TNFSF4: variants seen among roughly 807,000 people sequenced by gnomAD.
The protein encoded by TNFSF4 is TNF superfamily member 4.
A neutral mutation model predicts 7.3 loss-of-function variants in TNFSF4; 4 were observed. The observed-to-expected ratio is 0.55, with a 90% CI of 0.27 to 1.25. The LOEUF is 1.25. TNFSF4 is among the 50% of genes most tolerant of loss of function. The pLI is 0.12. For missense variants in TNFSF4, 181 were observed against 208.8 expected (o/e 0.87, Z 0.82); for synonymous variants, 76 against 83.7 (o/e 0.91, Z 0.50).
the TNFSF4 span, among the ~76,000 whole-genome samples, chr1:173,426,405 A>G: frequency 6.6e-6 from 1 of 152,200 alleles, no homozygotes; most frequent in African/African-American, 2.4e-5. Flanking sequence ...CAAAATACTC[A>G]GCATGTCAAA....
chr1:173,370,304 T>A, the TNFSF4 span, among the ~76,000 whole-genome samples: 1 of 152,128 alleles, frequency 6.6e-6, no homozygotes. Context: ...AGATACCTGG[T>A]ATCTTAGTCA....
chr1:173,373,763 A>ATACTTGTT, the TNFSF4 span, among the ~76,000 whole-genome samples: 6 of 152,370 alleles, frequency 3.9e-5, no homozygotes, highest in African/African-American at 1.4e-4. Flanking sequence ...GGGGATTTCA[A>ATACTTGTT]TACTTGTTGG....
the TNFSF4 span, among the ~76,000 whole-genome samples, chr1:173,251,776 T>C: frequency 0.017 from 2,515 of 152,336 alleles, 31 homozygotes; most frequent in Non-Finnish European, 0.024. Flanking sequence ...TTAGTTCTTA[T>C]GGTTATTGTG....
intron 1 of TNFSF4, among the ~76,000 whole-genome samples, chr1:173,205,132 A>T (rs1055314940): frequency 2.6e-5 from 4 of 152,228 alleles, no homozygotes; most frequent in African/African-American, 9.7e-5. Flanking sequence ...TTAGAAATAA[A>T]AAAATTATAA....
chr1:173,386,790 C>A, the TNFSF4 span, among the ~76,000 whole-genome samples: 1 of 152,164 alleles, frequency 6.6e-6, no homozygotes, highest in Non-Finnish European at 1.5e-5. Flanking sequence ...CAATCCCCAC[C>A]CCAGTGTGTT....
chr1:173,417,005 T>C, the TNFSF4 span, among the ~76,000 whole-genome samples: 87 of 152,328 alleles, frequency 5.7e-4, no homozygotes, highest in Middle Eastern at 3.4e-3. Flanking sequence ...ATTGTATTAT[T>C]ATCTCTATTT....
chr1:173,174,862 A>C, the TNFSF4 span, among the ~76,000 whole-genome samples: 1 of 152,224 alleles, frequency 6.6e-6, no homozygotes, highest in Admixed American at 6.5e-5. Context: ...TTCAATAATG[A>C]AACAAAAAGC....
chr1:173,336,617 A>C, the TNFSF4 span, among the ~76,000 whole-genome samples: 3 of 152,176 alleles, frequency 2.0e-5, no homozygotes, highest in Non-Finnish European at 4.4e-5. Context: ...TTTAGTTTGC[A>C]GGGATCTTGA....
chr1:173,218,436 A>G, the TNFSF4 span, among the ~76,000 whole-genome samples: 5 of 152,176 alleles, frequency 3.3e-5, no homozygotes, highest in Non-Finnish European at 7.4e-5. Context: ...ACTTCCTCAC[A>G]GCTTTCAGAT....
chr1:173,323,079 G>C, the TNFSF4 span, among the ~76,000 whole-genome samples: 2 of 152,212 alleles, frequency 1.3e-5, no homozygotes, highest in Non-Finnish European at 2.9e-5. Flanking sequence ...AGAATGGGCA[G>C]GCTGCCTCCT....
At chr1:173,176,339 A>G in the TNFSF4 span, among the ~76,000 whole-genome samples, 2 of 152,192 alleles carry the variant, frequency 1.3e-5, no homozygotes, top group African/African-American at 2.4e-5. Flanking sequence ...AGATATTATT[A>G]ATGAGGATAC....
At chr1:173,378,653 G>A in the TNFSF4 span, among the ~76,000 whole-genome samples, 12,767 of 152,122 alleles carry the variant, frequency 0.084, 670 homozygotes, top group East Asian at 0.27. Flanking sequence ...AAGAGGGAAA[G>A]CAAATGGAGT....
the TNFSF4 span, among the ~76,000 whole-genome samples, chr1:173,218,110 C>A: frequency 2.6e-5 from 4 of 152,296 alleles, no homozygotes; most frequent in Non-Finnish European, 5.9e-5. Flanking sequence ...TAGACCCTAA[C>A]ACACATGGTA....
At chr1:173,326,553 A>G in the TNFSF4 span, among the ~76,000 whole-genome samples, 2 of 152,166 alleles carry the variant, frequency 1.3e-5, no homozygotes, top group South Asian at 2.1e-4. Flanking sequence ...AGGGCATTCA[A>G]TTAGGAAAAG....
the TNFSF4 span, among the ~76,000 whole-genome samples, chr1:173,341,970 C>T: frequency 1.3e-5 from 2 of 152,142 alleles, no homozygotes; most frequent in Non-Finnish European, 2.9e-5. Flanking sequence ...TTATTTGATT[C>T]CTTCTGTTTC....
chr1:173,418,900 C>T, the TNFSF4 span, among the ~76,000 whole-genome samples: 552 of 152,290 alleles, frequency 3.6e-3, 3 homozygotes, highest in Middle Eastern at 0.01. Flanking sequence ...TTGAATGTGA[C>T]CCCCAAATTT....
chr1:173,300,145 A>C, the TNFSF4 span, among the ~76,000 whole-genome samples: 1 of 146,728 alleles, frequency 6.8e-6, no homozygotes, highest in African/African-American at 2.6e-5. Flanking sequence ...ATAGATAATA[A>C]ATAGATGATT....
At chr1:173,309,978 A>T in the TNFSF4 span, among the ~76,000 whole-genome samples, 23 of 151,988 alleles carry the variant, frequency 1.5e-4, no homozygotes, top group South Asian at 1.0e-3. Flanking sequence ...AGTTGTTCAT[A>T]ATGTTCATAT....
chr1:173,196,433 ATC>A (rs61649121), intron 1 of TNFSF4, among the ~76,000 whole-genome samples: 15,951 of 151,924 alleles, frequency 0.1, 984 homozygotes, highest in Admixed American at 0.16. Flanking sequence ...TTTCCCAGTC[ATC>A]TCTCTCTTAA....
Sources: allele counts gnomAD v4.1 joint callset (sites outside exome capture counted in the v4.1 genomes callset), GRCh38; gene constraint gnomAD v4.1.1; transcripts MANE v1.5; gene names NCBI Gene and HGNC (gene_info 2026-07-23, HGNC 2026-07-21).